The following YBX3 variants were observed in gnomAD, a reference collection of about 807,000 sequenced individuals.
YBX3 encodes the protein Y-box-binding protein 3.
In YBX3, 29 loss-of-function variants were observed where a neutral mutation model predicts 42.4. That is an observed-to-expected ratio of 0.68 (90% CI 0.51 to 0.93). The LOEUF (loss-of-function observed/expected upper bound fraction) is 0.93, where lower values mean the gene tolerates loss of function less well. YBX3 is among the 40% of genes least tolerant of loss of function. YBX3 has a pLI of 0.00. For synonymous variants in YBX3, 195 were observed against 189.8 expected, an observed-to-expected ratio of 1.03 and a Z score of -0.22; for missense variants, 517 against 527.5, an observed-to-expected ratio of 0.98 and a Z score of 0.19.
At chr12:10,718,699 G>A (rs1029521675) in intron 2 of YBX3, among the ~76,000 whole-genome samples, 1 of 152,206 alleles carries the variant, frequency 6.6e-6, no homozygotes, top group Non-Finnish European at 1.5e-5. Context: ...TGGACCAGAA[G>A]TGAGTTAAAG....
intron 6 of YBX3, among the ~76,000 whole-genome samples, chr12:10,707,103 C>T (rs1381487380): frequency 6.6e-6 from 1 of 152,136 alleles, no homozygotes; most frequent in Non-Finnish European, 1.5e-5. Context: ...CCATTCACGC[C>T]TTTCCTGGGA....
rs940295064 is a variant in YBX3, at chr12:10,713,330, C to A, written c.454G>T (p.Ala152Ser). 1 of 1,611,132 alleles carries A rather than the reference C, an allele frequency of 6.2e-7. No homozygotes were observed. Among genetic ancestry groups the A allele is most frequent in the Admixed American group, 1.7e-5 (1 of 59,056 alleles). The change falls in exon 5 of 10, where the codon GCA (alanine) becomes TCA (serine). Residue 152 changes from alanine (A) to serine (S), a missense_variant. Physicochemically the swap from Ala to Ser is moderately conservative, Grantham distance 99. Transcript: ENST00000228251. ...EFDVVEGEKG[A>S]EAANVTGPDG... ...GGGCCAGTCACATTGGCAGCTTCTG[C>A]ACCCTGAGAAGAAAATAAAAAGATG...
chr12:10,699,875 T>C (rs1948060169), intron 9 of YBX3, among the ~76,000 whole-genome samples: 1 of 152,112 alleles, frequency 6.6e-6, no homozygotes, highest in African/African-American at 2.4e-5. Flanking sequence ...AGTCAGTACA[T>C]AAGAGCAAAA....
chr12:10,703,005 C>T (rs1382003614), intron 7 of YBX3: 2 of 152,272 alleles, frequency 1.3e-5, no homozygotes, highest in South Asian at 4.1e-4. Flanking sequence ...TCCAAGATCA[C>T]ATATCCAGGG....
chr12:10,701,817 AC>A, intron 8 of YBX3, 142 bp downstream of exon 8: 2 of 918,384 alleles, frequency 2.2e-6, no homozygotes, highest in Non-Finnish European at 3.3e-6. Flanking sequence ...TACAAGGCAT[AC>A]CCTATATATA....
At position 10,719,203 on chromosome 12, in the gene YBX3, C is replaced by T. The variant is rs549366647; in HGVS notation, c.263-60G>A. 7 of 1,391,824 alleles carry T rather than the reference C, an allele frequency of 5.0e-6. No homozygotes were observed. In the South Asian group the frequency reaches 6.0e-5, roughly 12 times the overall value. The allele number at this position is 1,391,824 out of a possible 1,614,324, so 86.2% of individuals were successfully genotyped here. A position where few individuals can be genotyped will look rare whatever the true frequency, so the allele number is the denominator to read the frequency against. On this transcript the variant is annotated intron_variant, in intron 1 of 9. Coordinates refer to ENST00000228251, the MANE Select transcript of YBX3 (RefSeq NM_003651.5). Reference sequence around the variant, plus strand: ...ACCTACAGAGAGATATAGCTCATATCACTAAGATCTTGATAACATTAGACA... The same window carrying T: ...ACCTACAGAGAGATATAGCTCATATTACTAAGATCTTGATAACATTAGACA...
chr12:10,714,236 TTTGAGAGCCA>T (rs2120958974), intron 4 of YBX3, among the ~76,000 whole-genome samples: 1 of 152,296 alleles, frequency 6.6e-6, no homozygotes, highest in South Asian at 2.1e-4. Flanking sequence ...AACACAATGG[TTTGAGAGCCA>T]TTAGGAACAT....
chr12:10,720,094 A>G (rs1398751272), intron 1 of YBX3, among the ~76,000 whole-genome samples: 1 of 152,226 alleles, frequency 6.6e-6, no homozygotes, highest in East Asian at 1.9e-4. Context: ...TCAATGAAAC[A>G]GGAAACCTGA....
At chr12:10,714,797 T>C (rs897003264) in intron 4 of YBX3, among the ~76,000 whole-genome samples, 4 of 152,074 alleles carry the variant, frequency 2.6e-5, no homozygotes, top group South Asian at 4.2e-4. Context: ...TCTTGCTCTG[T>C]CCCCCAGGCT....
Position 10,722,847 on chromosome 12 carries a change from C to A in YBX3, c.262+3G>T. ...AGCCCCTGCCCTCCCTGGCCTGACT[C>A]ACCGAGAACTTTTTTCTCCGCGTCT... On this transcript the variant is annotated splice_donor_region_variant and intron_variant, in intron 1 of 9. Transcript: ENST00000228251. The A allele has an allele frequency of 6.7e-7, 1 of 1,490,126 alleles. No individual in the cohort carries two copies. The highest frequency in any genetic ancestry group is 8.9e-7 in the Non-Finnish European group (1 of 1,119,774). The allele number at this position is 1,490,126 out of a possible 1,614,324, so 92.3% of individuals were successfully genotyped here.
chr12:10,712,560 G>A (rs1591579386), intron 5 of YBX3: 1 of 152,192 alleles, frequency 6.6e-6, no homozygotes, highest in African/African-American at 2.4e-5. Flanking sequence ...TCTGTGGCCT[G>A]TACTTTTATT....
intron 4 of YBX3, among the ~76,000 whole-genome samples, chr12:10,713,715 C>T (rs1405578401): frequency 6.6e-6 from 1 of 152,124 alleles, no homozygotes; most frequent in East Asian, 1.9e-4. Flanking sequence ...TGTGTTGAAA[C>T]CTATGTTAGT....
intron 3 of YBX3, 102 bp downstream of exon 3, chr12:10,717,986 A>C (rs1255919847): frequency 1.0e-5 from 10 of 975,612 alleles, no homozygotes; most frequent in Non-Finnish European, 1.2e-5. Flanking sequence ...AAGAGTTTAG[A>C]TTAAAATAAT....
At position 10,722,940 on chromosome 12, in the gene YBX3, C is replaced by T; in HGVS notation, c.172G>A (p.Gly58Arg). 1 of 1,298,868 alleles carries T rather than the reference C, an allele frequency of 7.7e-7. No homozygotes were observed. The highest frequency in any genetic ancestry group is 9.7e-7 in the Non-Finnish European group (1 of 1,028,456). The allele number at this position is 1,298,868 out of a possible 1,614,324, so 80.5% of individuals were successfully genotyped here. A position where few individuals can be genotyped will look rare whatever the true frequency, so the allele number is the denominator to read the frequency against. ...CCCGTGGCTGCGGGGGCCGCGTCCCCACCGGGGTTTCCTGCGACGTGGGCG... is the reference window on the plus strand; with the variant it reads ...CCCGTGGCTGCGGGGGCCGCGTCCCTACCGGGGTTTCCTGCGACGTGGGCG... ...PAAHVAGNPG[G>R]DAAPAATGTA... The change falls in exon 1 of 10, where the codon GGG becomes AGG. Residue 58 changes from glycine (G) to arginine (R), a missense_variant. Transcript: ENST00000228251.
chr12:10,715,560 C>T, intron 4 of YBX3, 134 bp downstream of exon 4: 2 of 784,324 alleles, frequency 2.5e-6, no homozygotes. Flanking sequence ...AAAAAAAATT[C>T]TGTTTAAAAG....
chr12:10,709,832 G>A (rs905234548), intron 6 of YBX3, 76 bp downstream of exon 6: 2 of 1,546,738 alleles, frequency 1.3e-6, no homozygotes, highest in Non-Finnish European at 1.8e-6. Context: ...TGATGTTGGA[G>A]GAGGAGGAGG....
intron 9 of YBX3, among the ~76,000 whole-genome samples, chr12:10,699,917 A>G (rs1948060849): frequency 6.6e-6 from 1 of 152,136 alleles, no homozygotes; most frequent in South Asian, 2.1e-4. Context: ...GAAAATTACC[A>G]TTACTAATGA....
At chr12:10,699,960 C>T (rs1422336871) in intron 9 of YBX3, among the ~76,000 whole-genome samples, 3 of 152,038 alleles carry the variant, frequency 2.0e-5, no homozygotes, top group Admixed American at 2.0e-4. Flanking sequence ...TGGCTGCACC[C>T]TATCTCCTAA....
intron 9 of YBX3, among the ~76,000 whole-genome samples, chr12:10,700,313 A>G (rs748631873): frequency 1.3e-5 from 2 of 152,198 alleles, no homozygotes; most frequent in African/African-American, 2.4e-5. Context: ...ACTTATAATA[A>G]TCCCAAAACT....
Sources: allele counts gnomAD v4.1 joint callset (sites outside exome capture counted in the v4.1 genomes callset), GRCh38; gene constraint gnomAD v4.1.1; transcripts MANE v1.5; gene names NCBI Gene and HGNC (gene_info 2026-07-23, HGNC 2026-07-21).